MKRN3: variants seen among roughly 807,000 people sequenced by gnomAD.
The protein encoded by MKRN3 is E3 ubiquitin-protein ligase makorin-3.
For synonymous variants in MKRN3, 301 were observed against 250.2 expected (o/e 1.20, Z -1.91); for missense variants, 749 against 667.0 (o/e 1.12, Z -1.35).
rs1889081432 is a variant in MKRN3 at position 23,566,027 on chromosome 15, C to T, written c.245C>T (p.Ala82Val). The T allele has an allele frequency of 1.2e-6, 2 of 1,613,996 alleles. No individual in the cohort carries two copies. Among genetic ancestry groups the T allele is most frequent in the Non-Finnish European group, 1.7e-6 (2 of 1,180,038 alleles). ...CCTGCCCCAGCCTCAGGAGGAGGAG[C>T]CTGGCCCAGTCCGTTGCCAAGCCGA... ...LRPAPASGGGAWPSPLPSRSS... is the reference protein window; with the variant it reads ...LRPAPASGGGVWPSPLPSRSS... Residue 82 changes from alanine to valine, a missense_variant, in exon 1 of 1, where the codon GCC becomes GTC. Physicochemically the swap from Ala to Val is moderately conservative, Grantham distance 64 (BLOSUM62 0). Coordinates refer to ENST00000314520, the MANE Select transcript of MKRN3 (RefSeq NM_005664.4).
In MKRN3 at chr15:23,566,094, T is replaced by A. The variant is rs779011445; in HGVS notation, c.312T>A (p.Tyr104Ter). 6.2e-7 allele frequency: 1 copy of A among 1,614,156 alleles called. No individual in the cohort carries two copies. Among genetic ancestry groups the A allele is most frequent in the Non-Finnish European group, 8.5e-7 (1 of 1,180,038 alleles). Residue 104 changes from tyrosine to a stop codon, truncating the protein, a stop_gained, in exon 1 of 1, where the codon TAT becomes TAA. Transcript: ENST00000314520. LOFTEE classifies it low-confidence loss of function (END_TRUNC). ...CAAAGCAGATCATCTGCAGGTATTA[T>A]ATACATGGGCAGTGCAAGGAGGGGG... ...IWTKQIICRY[Y>*]IHGQCKEGEN...
chr15:23,567,031 T>C lies in MKRN3; in HGVS notation c.1249T>C (p.Phe417Leu), dbSNP rs745560329. ...TAACTGCCCATTTGGAGACACATGCTTTTACAAGCATGAATACCCTGAGGG... is the reference window on the plus strand; with the variant it reads ...TAACTGCCCATTTGGAGACACATGCCTTTACAAGCATGAATACCCTGAGGG... ...RGNCPFGDTC[F>L]YKHEYPEGWG... The change falls in exon 1 of 1, where the codon TTT becomes CTT. Residue 417 changes from phenylalanine to leucine, a missense_variant. Transcript: ENST00000314520. The C allele has an allele frequency of 6.2e-7, 1 of 1,614,226 alleles. No individual in the cohort carries two copies. The highest frequency in any genetic ancestry group is 1.1e-5 in the South Asian group (1 of 91,084).
In MKRN3 at chr15:23,566,313, G is replaced by A. The variant is rs1352889471; in HGVS notation, c.531G>A (p.Arg177=). 2 of 1,614,148 alleles carry A rather than the reference G, an allele frequency of 1.2e-6. No individual in the cohort carries two copies. The highest frequency in any genetic ancestry group is 1.1e-5 in the South Asian group (1 of 91,084). Residue 177 remains arginine (R), a synonymous_variant, in exon 1 of 1, where the codon AGG becomes AGA. Transcript: ENST00000314520. ...SLPVIGSAAE[R]GFFEAERDNA... is the part of the protein sequence containing the mutation. ...CTGTGATTGGCTCGGCTGCTGAAAGGGGTTTCTTTGAAGCCGAGAGAGACA... is the reference window on the plus strand; with the variant it reads ...CTGTGATTGGCTCGGCTGCTGAAAGAGGTTTCTTTGAAGCCGAGAGAGACA...
At position 23,565,719 on chromosome 15, in the gene MKRN3, C is replaced by A; in HGVS notation, c.-64C>A. The stretch of plus-strand genomic sequence containing the variant: ...TCCGAGCGCGGCCGCCATTCCGGGC[C>A]TCAAGCCCATAAAGAAAAAATACCG... On this transcript the variant is annotated 5_prime_UTR_variant, in exon 1 of 1. Coordinates refer to ENST00000314520, the MANE Select transcript of MKRN3 (RefSeq NM_005664.4). 1 of 1,452,852 alleles carries A rather than the reference C, an allele frequency of 6.9e-7. No homozygotes were observed. The highest frequency in any genetic ancestry group is 9.1e-7 in the Non-Finnish European group (1 of 1,096,494). The allele number at this position is 1,452,852 out of a possible 1,614,324, so 90.0% of individuals were successfully genotyped here.
chr15:23,566,132 A>G lies in MKRN3; in HGVS notation c.350A>G (p.Tyr117Cys). The G allele has an allele frequency of 6.2e-7, 1 of 1,614,150 alleles. No homozygotes were observed. The highest frequency in any genetic ancestry group is 1.1e-5 in the South Asian group (1 of 91,090). Residue 117 changes from tyrosine to cysteine, a missense_variant, in exon 1 of 1, where the codon TAT becomes TGT. Transcript: ENST00000314520. ...TGCAAGGAGGGGGAGAACTGTCGCTATTCGCACGACCTTTCTGGTCGGAAG... is the reference window on the plus strand; with the variant it reads ...TGCAAGGAGGGGGAGAACTGTCGCTGTTCGCACGACCTTTCTGGTCGGAAG... ...GQCKEGENCR[Y>C]SHDLSGRKMA... is the part of the protein sequence containing the mutation.
chr15:23,566,338 A>G lies in MKRN3; in HGVS notation c.556A>G (p.Asn186Asp), dbSNP rs777111236. The G allele has an allele frequency of 2.4e-5, 39 of 1,614,052 alleles. No homozygotes were observed. The Admixed American group carries it at 3.0e-4, about 12-fold the overall frequency. The change falls in exon 1 of 1, where the codon AAT becomes GAT. Residue 186 changes from asparagine to aspartate, a missense_variant. By Grantham distance (23) the Asn-to-Asp change is conservative. Coordinates refer to ENST00000314520, the MANE Select transcript of MKRN3 (RefSeq NM_005664.4). ...GGGTTTCTTTGAAGCCGAGAGAGAC[A>G]ATGCAGACCGTGGAGCTGCTGGAGG... ...ERGFFEAERDNADRGAAGGAG... is the reference protein window; with the variant it reads ...ERGFFEAERDDADRGAAGGAG...
rs1485000088 is a variant in MKRN3 at position 23,566,574 on chromosome 15, CAT to C, written c.795_796del (p.Ile265MetfsTer26). On this transcript the variant is annotated frameshift_variant, in exon 1 of 1. Transcript: ENST00000314520. LOFTEE classifies it low-confidence loss of function (END_TRUNC). ...GESCMYLHGD[I>X]CDMCGLQTLH... ...AGAGCTGTATGTACCTCCATGGAGACATATGCGACATGTGTGGGCTGCAGACC... is the reference window on the plus strand; with the variant it reads ...AGAGCTGTATGTACCTCCATGGAGACATGCGACATGTGTGGGCTGCAGACC... The C allele has an allele frequency of 6.2e-7, 1 of 1,614,194 alleles. No homozygotes were observed. The highest frequency in any genetic ancestry group is 8.5e-7 in the Non-Finnish European group (1 of 1,180,032).
chr15:23,567,860 G>T lies in MKRN3; in HGVS notation c.*554G>T. On this transcript the variant is annotated 3_prime_UTR_variant, in exon 1 of 1. Transcript: ENST00000314520. ...TGTTTACATGTTTTTATCCTGTTTA[G>T]CTTGACATGAAATAATTTATATTTG... is the stretch of plus-strand genomic sequence containing the variant. The T allele has an allele frequency of 1.1e-5, 11 of 969,646 alleles. No homozygotes were observed. Among genetic ancestry groups the T allele is most frequent in the Non-Finnish European group, 1.4e-5 (11 of 802,724 alleles). 60.1% of individuals were successfully genotyped at this position (969,646 alleles called of 1,614,324 possible).
Position 23,567,891 on chromosome 15 carries a change from A to G in MKRN3, c.*585A>G, listed in dbSNP as rs1037565250. The G allele has an allele frequency of 1.3e-4, 112 of 866,646 alleles. No homozygotes were observed. Among genetic ancestry groups the G allele is most frequent in the Non-Finnish European group, 1.5e-4 (107 of 709,474 alleles). The allele number at this position is 866,646 out of a possible 1,614,324, so 53.7% of individuals were successfully genotyped here. A position where few individuals can be genotyped will look rare whatever the true frequency, so the allele number is the denominator to read the frequency against. On this transcript the variant is annotated 3_prime_UTR_variant, in exon 1 of 1. Transcript: ENST00000314520. Reference sequence around the variant, plus strand: ...CATGAAATAATTTATATTTGGAAATATATATTTAAGAATTATATATATAAA... The same window carrying G: ...CATGAAATAATTTATATTTGGAAATGTATATTTAAGAATTATATATATAAA...
chr15:23,567,590 T>C lies in MKRN3; in HGVS notation c.*284T>C. The stretch of plus-strand genomic sequence containing the variant: ...ATTAACTCAGTTCTAGTGTAGTGTT[T>C]ACTGAATTTCCACACTTATTTTGAA... On this transcript the variant is annotated 3_prime_UTR_variant, in exon 1 of 1. Transcript: ENST00000314520. The C allele has an allele frequency of 8.2e-7, 1 of 1,212,544 alleles. No homozygotes were observed. Among genetic ancestry groups the C allele is most frequent in the Middle Eastern group, 3.5e-4 (1 of 2,890 alleles). 75.1% of individuals were successfully genotyped at this position (1,212,544 alleles called of 1,614,324 possible). A position where few individuals can be genotyped will look rare whatever the true frequency, so the allele number is the denominator to read the frequency against.
Position 23,565,971 on chromosome 15 carries a change from C to T in MKRN3, c.189C>T (p.Val63=), listed in dbSNP as rs755016771. ...GGGCCCCCTTCCCTGTAGCTCCAGT[C>T]CCTGCCCACCTCCGCAGAGGAGGCC... ...RGWAPFPVAP[V]PAHLRRGGLR... The change falls in exon 1 of 1, where the codon GTC becomes GTT. Residue 63 remains valine (V), a synonymous_variant. Coordinates refer to ENST00000314520, the MANE Select transcript of MKRN3 (RefSeq NM_005664.4). 9.3e-6 allele frequency: 15 copies of T among 1,613,824 alleles called. No individual in the cohort carries two copies. Among genetic ancestry groups the T allele is most frequent in the Admixed American group, 1.7e-5 (1 of 60,032 alleles).
Position 23,566,821 on chromosome 15 carries a change from T to C in MKRN3, c.1039T>C (p.Trp347Arg). 6.2e-7 allele frequency: 1 copy of C among 1,614,180 alleles called. No individual in the cohort carries two copies. Among genetic ancestry groups the C allele is most frequent in the Non-Finnish European group, 8.5e-7 (1 of 1,180,040 alleles). Residue 347 changes from tryptophan to arginine, a missense_variant, in exon 1 of 1, where the codon TGG becomes CGG. Trp to Arg is a moderately radical substitution (Grantham distance 101). Transcript: ENST00000314520. ...HSFCIRCIRR[W>R]RSARQFENRI... ...CTTCTGTATTAGGTGTATCCGCAGG[T>C]GGAGAAGTGCCAGACAGTTTGAGAA...
Position 23,566,030 on chromosome 15 carries a change from G to A in MKRN3, c.248G>A (p.Trp83Ter). The A allele has an allele frequency of 1.2e-6, 2 of 1,614,024 alleles. No individual in the cohort carries two copies. The highest frequency in any genetic ancestry group is 1.7e-6 in the Non-Finnish European group (2 of 1,180,036). Reference sequence around the variant, plus strand: ...GCCCCAGCCTCAGGAGGAGGAGCCTGGCCCAGTCCGTTGCCAAGCCGAAGC... The same window carrying A: ...GCCCCAGCCTCAGGAGGAGGAGCCTAGCCCAGTCCGTTGCCAAGCCGAAGC... ...RPAPASGGGA[W>*]PSPLPSRSSG... Residue 83 changes from tryptophan to a stop codon, truncating the protein, a stop_gained, in exon 1 of 1, where the codon TGG becomes TAG. Transcript: ENST00000314520. LOFTEE classifies it low-confidence loss of function (END_TRUNC).
chr15:23,566,392 A>G lies in MKRN3; in HGVS notation c.610A>G (p.Ile204Val), dbSNP rs370186279. 3.1e-6 allele frequency: 5 copies of G among 1,614,120 alleles called. No homozygotes were observed. Among genetic ancestry groups the G allele is most frequent in the Non-Finnish European group, 4.2e-6 (5 of 1,180,032 alleles). ...GAGVESWADA[I>V]EFVPGQPYRG... ...AGGTGTAGAAAGCTGGGCGGATGCC[A>G]TTGAGTTTGTTCCAGGGCAGCCCTA... Residue 204 changes from isoleucine (I) to valine (V), a missense_variant, in exon 1 of 1, where the codon ATT becomes GTT. Coordinates refer to ENST00000314520, the MANE Select transcript of MKRN3 (RefSeq NM_005664.4).
Position 23,567,240 on chromosome 15 carries a change from C to T in MKRN3, c.1458C>T (p.Pro486=), listed in dbSNP as rs752201568. 56 of 1,614,102 alleles carry T rather than the reference C, an allele frequency of 3.5e-5. No homozygotes were observed. Among genetic ancestry groups the T allele is most frequent in the Non-Finnish European group, 4.5e-5 (53 of 1,180,040 alleles). The change falls in exon 1 of 1, where the codon CCC becomes CCT. Residue 486 remains proline (P), a synonymous_variant. Coordinates refer to ENST00000314520, the MANE Select transcript of MKRN3 (RefSeq NM_005664.4). ...TTCTTTCACTGAGAGATGAGTTACC[C>T]TTCTCTGAGGACCAGTGGGACTTGC... ...KRFLSLRDEL[P]FSEDQWDLLH...
rs1889126331 is a variant in MKRN3, at chr15:23,567,326, G to C, written c.*20G>C. 4 of 1,610,334 alleles carry C rather than the reference G, an allele frequency of 2.5e-6. No individual in the cohort carries two copies. The highest frequency in any genetic ancestry group is 3.4e-6 in the Non-Finnish European group (4 of 1,177,690). On this transcript the variant is annotated 3_prime_UTR_variant, in exon 1 of 1. Coordinates refer to ENST00000314520, the MANE Select transcript of MKRN3 (RefSeq NM_005664.4). ...CTGTAGCATCGTGCTGTGGCATGTGGTCTAGTCTGCTGAGGTTCTGTCGTC... is the reference window on the plus strand; with the variant it reads ...CTGTAGCATCGTGCTGTGGCATGTGCTCTAGTCTGCTGAGGTTCTGTCGTC...
chr15:23,565,874 A>G lies in MKRN3; in HGVS notation c.92A>G (p.Asp31Gly). 1 of 1,613,722 alleles carries G rather than the reference A, an allele frequency of 6.2e-7. No individual in the cohort carries two copies. The highest frequency in any genetic ancestry group is 8.5e-7 in the Non-Finnish European group (1 of 1,179,884). ...GCAAGGGAGGGTGTGTCTGGGCCGGACCTTCCCGTCTGTGAGCCCTCCGGG... is the reference window on the plus strand; with the variant it reads ...GCAAGGGAGGGTGTGTCTGGGCCGGGCCTTCCCGTCTGTGAGCCCTCCGGG... ...EAAREGVSGP[D>G]LPVCEPSGES... is the part of the protein sequence containing the mutation. The change falls in exon 1 of 1, where the codon GAC (aspartate) becomes GGC (glycine). Residue 31 changes from aspartate (D) to glycine (G), a missense_variant. Coordinates refer to ENST00000314520, the MANE Select transcript of MKRN3 (RefSeq NM_005664.4).
chr15:23,567,226 A>G lies in MKRN3; in HGVS notation c.1444A>G (p.Arg482Gly). ...SLLFKRFLSL[R>G]DELPFSEDQW... The stretch of plus-strand genomic sequence containing the variant: ...GTTGTTTAAGCGGTTTCTTTCACTG[A>G]GAGATGAGTTACCCTTCTCTGAGGA... The change falls in exon 1 of 1, where the codon AGA (arginine) becomes GGA (glycine). Residue 482 changes from arginine (R) to glycine (G), a missense_variant. Transcript: ENST00000314520. 6.2e-7 allele frequency: 1 copy of G among 1,614,206 alleles called. No individual in the cohort carries two copies. Among genetic ancestry groups the G allele is most frequent in the Non-Finnish European group, 8.5e-7 (1 of 1,180,040 alleles).
chr15:23,566,427 C>T lies in MKRN3; in HGVS notation c.645C>T (p.Arg215=). 1 of 1,614,148 alleles carries T rather than the reference C, an allele frequency of 6.2e-7. No homozygotes were observed. Among genetic ancestry groups the T allele is most frequent in the Admixed American group, 1.7e-5 (1 of 60,034 alleles). Residue 215 remains arginine (R), a synonymous_variant, in exon 1 of 1, where the codon CGC becomes CGT. Coordinates refer to ENST00000314520, the MANE Select transcript of MKRN3 (RefSeq NM_005664.4). ...TTCCAGGGCAGCCCTACCGGGGCCG[C>T]TGGGTTGCATCTGCCCCCGAGGCTC... is the stretch of plus-strand genomic sequence containing the variant. ...EFVPGQPYRG[R]WVASAPEAPL...
Sources: allele counts gnomAD v4.1 joint callset, GRCh38; gene constraint gnomAD v4.1.1; transcripts MANE v1.5; gene names NCBI Gene and HGNC (gene_info 2026-07-23, HGNC 2026-07-21).